Variants in DMXL1 observed in about 807,000 individuals in gnomAD.
DMXL1 encodes the protein dmX-like protein 1.
Under a neutral mutation model 319.2 loss-of-function variants are expected in DMXL1, and 99 were observed. The ratio of observed to expected loss-of-function variants is 0.31; its 90% CI spans 0.26 to 0.37. The LOEUF (loss-of-function observed/expected upper bound fraction) is 0.37, where lower values mean the gene tolerates loss of function less well. Ranked by LOEUF, DMXL1 falls within the 10% of genes least tolerant of loss-of-function variation. The pLI is 1.00. For missense variants in DMXL1, 3,745 were observed against 3,595.6 expected (o/e 1.04, Z -1.06); for synonymous variants, 1,385 against 1,235.2 (o/e 1.12, Z -2.54).
chr5:119,243,938 C>T (rs1789258709), intron 42 of DMXL1, among the ~76,000 whole-genome samples: 1 of 152,320 alleles, frequency 6.6e-6, no homozygotes, highest in East Asian at 1.9e-4. Context: ...GAGCTTTGCT[C>T]AGGGACAACT....
At chr5:119,226,913 C>A (rs569051750) in intron 38 of DMXL1, among the ~76,000 whole-genome samples, 1 of 152,296 alleles carries the variant, frequency 6.6e-6, no homozygotes, top group Non-Finnish European at 1.5e-5. Flanking sequence ...AGCTTCTCTC[C>A]CCTTGGAGTT....
At chr5:119,125,554 A>T (rs954280252) in intron 9 of DMXL1, among the ~76,000 whole-genome samples, 3 of 152,022 alleles carry the variant, frequency 2.0e-5, no homozygotes, top group African/African-American at 7.2e-5. Flanking sequence ...GTATATATAT[A>T]TGTAATTATT....
chr5:119,094,792 C>T (rs141827881), intron 1 of DMXL1, among the ~76,000 whole-genome samples: 123 of 149,860 alleles, frequency 8.2e-4, no homozygotes, highest in African/African-American at 2.9e-3. Flanking sequence ...TCATCCTTCA[C>T]AAATTACTTT....
At chr5:119,194,478 G>A (rs1421238886) in intron 30 of DMXL1, among the ~76,000 whole-genome samples, 3 of 152,166 alleles carry the variant, frequency 2.0e-5, no homozygotes, top group Admixed American at 2.0e-4. Flanking sequence ...ATTCATGAAT[G>A]ATGGAATATT....
intron 19 of DMXL1, chr5:119,154,851 T>C (rs1002525463): frequency 4.6e-5 from 7 of 152,246 alleles, no homozygotes; most frequent in African/African-American, 1.4e-4. Context: ...AAGAACAGAC[T>C]GACTCTTGTT....
intron 1 of DMXL1, among the ~76,000 whole-genome samples, chr5:119,089,289 T>C (rs867675044): frequency 2.5e-5 from 1 of 39,304 alleles, no homozygotes; most frequent in Non-Finnish European, 5.4e-5. Context: ...TATATATATA[T>C]ATATTTTTTT....
intron 13 of DMXL1, among the ~76,000 whole-genome samples, chr5:119,135,568 A>G (rs958881300): frequency 6.6e-6 from 1 of 152,152 alleles, no homozygotes; most frequent in Non-Finnish European, 1.5e-5. Flanking sequence ...CTCATCTTGA[A>G]TTATACTTCC....
At chr5:119,158,516 A>G (rs551947645) in intron 19 of DMXL1, among the ~76,000 whole-genome samples, 16 of 152,234 alleles carry the variant, frequency 1.1e-4, no homozygotes, top group Non-Finnish European at 1.8e-4. Flanking sequence ...TAGTACTATC[A>G]TAATTGAGTA....
At chr5:119,156,109 G>A (rs530776183) in intron 19 of DMXL1, among the ~76,000 whole-genome samples, 1 of 152,250 alleles carries the variant, frequency 6.6e-6, no homozygotes. Flanking sequence ...CATCTATGTG[G>A]CACACTTCAT....
intron 30 of DMXL1, among the ~76,000 whole-genome samples, chr5:119,195,695 A>G (rs760463395): frequency 4.6e-5 from 7 of 152,200 alleles, no homozygotes; most frequent in Non-Finnish European, 7.3e-5. Flanking sequence ...CCCCTGAACT[A>G]TAAACTTAAA....
In DMXL1 at chr5:119,133,620, CCTT is replaced by C; in HGVS notation, c.1699_1701del (p.Ser567del). ...GGCTATTCAGCAGGGGAAACAAAAACCTTCTGGCCTCACCCGTTCCACATCAAT... is the reference window on the plus strand; with the variant it reads ...GGCTATTCAGCAGGGGAAACAAAAACCTGGCCTCACCCGTTCCACATCAAT... On this transcript the variant is annotated inframe_deletion, in exon 12 of 44. Coordinates refer to ENST00000539542, the MANE Select transcript of DMXL1 (RefSeq NM_001290321.3). 1 of 1,614,134 alleles carries C rather than the reference CCTT, an allele frequency of 6.2e-7. No individual in the cohort carries two copies. Among genetic ancestry groups the C allele is most frequent in the Non-Finnish European group, 8.5e-7 (1 of 1,180,026 alleles).
In DMXL1 at chr5:119,248,149, C is replaced by G. The variant is rs1032426995; in HGVS notation, c.*930C>G. The G allele has an allele frequency of 6.6e-6, 1 of 152,502 alleles. No homozygotes were observed. The highest frequency in any genetic ancestry group is 2.1e-4 in the South Asian group (1 of 4,832). The allele number at this position is 152,502 out of a possible 1,614,324, so 9.4% of individuals were successfully genotyped here. ...TTTCGAGCATCAAACAAATATTTTA[C>G]TTAAATTTTATTTTATCTTATTTTT... On this transcript the variant is annotated 3_prime_UTR_variant, in exon 44 of 44. Transcript: ENST00000539542.
At chr5:119,089,182 G>A (rs1472642491) in intron 1 of DMXL1, among the ~76,000 whole-genome samples, 1 of 145,506 alleles carries the variant, frequency 6.9e-6, no homozygotes, top group Non-Finnish European at 1.5e-5. Flanking sequence ...CATTTTGAAA[G>A]TGTCATCTAG....
Position 119,149,096 on chromosome 5 carries a change from G to A in DMXL1, c.3269G>A (p.Cys1090Tyr), listed in dbSNP as rs1234616498. The A allele has an allele frequency of 6.2e-7, 1 of 1,613,936 alleles. No individual in the cohort carries two copies. Residue 1090 changes from cysteine (C) to tyrosine (Y), a missense_variant, in exon 18 of 44, where the codon TGT becomes TAT. Cys to Tyr is a radical substitution (Grantham distance 194). Transcript: ENST00000539542. ...GAATGTGAGTCAACAGGAGGTTCAT[G>A]TTGGGTCCTTGAGCAGACAATTCAT... is the stretch of plus-strand genomic sequence containing the variant. ...IFECESTGGSCWVLEQTIHLD... is the reference protein window; with the variant it reads ...IFECESTGGSYWVLEQTIHLD...
intron 23 of DMXL1, among the ~76,000 whole-genome samples, chr5:119,169,233 G>C (rs1774063639): frequency 6.6e-6 from 1 of 152,122 alleles, no homozygotes; most frequent in Admixed American, 6.5e-5. Flanking sequence ...ATTTTGATTT[G>C]GGACTAGTAC....
In DMXL1 at chr5:119,198,999, G is replaced by T. The variant is rs10064518; in HGVS notation, c.7745+1043G>T. On this transcript the variant is annotated intron_variant, in intron 32 of 43. Transcript: ENST00000539542. ...CCTCCTAGGCACAAACAGTCCTCCT[G>T]TCTCACCCTCCTGAATAGCTGGGAT... Among the ~76,000 whole-genome samples, 13 of 152,208 alleles carry T rather than the reference G, an allele frequency of 8.5e-5. No individual in the cohort carries two copies. In the East Asian group the frequency reaches 2.1e-3, roughly 25 times the overall value.
rs769278124 is a variant in DMXL1, at chr5:119,149,673, G to A, written c.3846G>A (p.Leu1282=). 5.0e-6 allele frequency: 8 copies of A among 1,613,786 alleles called. No individual in the cohort carries two copies. The Admixed American group carries it at 1.2e-4, about 24-fold the overall frequency. ...SSGLHPPKKT[L]TRSMTSLAQK... is the part of the protein sequence containing the mutation. ...GGTTACATCCTCCAAAGAAAACTCT[G>A]ACTCGATCCATGACCAGTCTTGCAC... The change falls in exon 18 of 44, where the codon CTG becomes CTA. Residue 1282 remains leucine (L), a synonymous_variant. Transcript: ENST00000539542.
rs144109130 is a variant in DMXL1 at position 119,143,851 on chromosome 5, G to T, written c.2387G>T (p.Gly796Val). The change falls in exon 14 of 44, where the codon GGT (glycine) becomes GTT (valine). Residue 796 changes from glycine to valine, a missense_variant. Gly to Val is a moderately radical substitution (Grantham distance 109). Coordinates refer to ENST00000539542, the MANE Select transcript of DMXL1 (RefSeq NM_001290321.3). The stretch of plus-strand genomic sequence containing the variant: ...TTTTAAAAAAAACAGAAATATGTTG[G>T]TGAAGTCTTTAACATCGTCAGTCAA... The part of the protein sequence containing the change: ...LSNPEISKYV[G>V]EVFNIVSQQS... 193 of 1,573,612 alleles carry T rather than the reference G, an allele frequency of 1.2e-4. No individual in the cohort carries two copies. The highest frequency in any genetic ancestry group is 1.6e-4 in the Non-Finnish European group (184 of 1,160,734).
rs542314148 is a variant in DMXL1 at position 119,129,161 on chromosome 5, C to G, written c.1103-50C>G. On this transcript the variant is annotated intron_variant, in intron 9 of 43. Transcript: ENST00000539542. Reference sequence around the variant, plus strand: ...ATAAAAATATGAAACATGGATGTTTCATATGCTAGAAGGTAAAAATTTTAA... The same window carrying G: ...ATAAAAATATGAAACATGGATGTTTGATATGCTAGAAGGTAAAAATTTTAA... 24 of 1,140,028 alleles carry G rather than the reference C, an allele frequency of 2.1e-5. No individual in the cohort carries two copies. In the South Asian group the frequency reaches 3.3e-4, roughly 16 times the overall value. The allele number at this position is 1,140,028 out of a possible 1,614,324, so 70.6% of individuals were successfully genotyped here.
Sources: gnomAD v4.1 joint callset for allele counts (sites outside exome capture counted in the v4.1 genomes callset) on GRCh38, gnomAD v4.1.1 for gene constraint, MANE v1.5 for transcripts, NCBI Gene and HGNC (gene_info 2026-07-23, HGNC 2026-07-21) for gene names.